The following HHLA1 variants were observed in gnomAD, a reference collection of about 807,000 sequenced individuals.
The protein encoded by HHLA1 is HHLA1 neighbor of OC90.
In HHLA1, 72 loss-of-function variants were observed where a neutral mutation model predicts 69.9. The ratio of observed to expected loss-of-function variants is 1.03; its 90% CI spans 0.85 to 1.25. The LOEUF is 1.25. HHLA1 is among the 50% of genes most tolerant of loss of function. The pLI is 0.00. For missense variants in HHLA1, 685 were observed against 642.2 expected, an observed-to-expected ratio of 1.07 and a Z score of -0.72; for synonymous variants, 252 against 233.2, an observed-to-expected ratio of 1.08 and a Z score of -0.73.
Position 132,084,413 on chromosome 8 carries a change from C to T in HHLA1, c.676+3240G>A, listed in dbSNP as rs565709932. On this transcript the variant is annotated intron_variant, in intron 10 of 16. Transcript: ENST00000414222. ...GGAGGGAAAGAAGGAAGATTTGGGACGAGTTGCACTGGGCACAGGGACTAG... is the reference window on the plus strand; with the variant it reads ...GGAGGGAAAGAAGGAAGATTTGGGATGAGTTGCACTGGGCACAGGGACTAG... Among the ~76,000 whole-genome samples the T allele has an allele frequency of 2.6e-3, 324 of 126,810 alleles. 2 individuals carry two copies. The highest frequency in any genetic ancestry group is 0.019 in the Middle Eastern group (5 of 262). The allele number at this position is 126,810 out of a possible 152,430, so 83.2% of individuals were successfully genotyped here.
At chr8:132,109,045 T>C (rs1824252940) in intron 1 of HHLA1, among the ~76,000 whole-genome samples, 1 of 152,364 alleles carries the variant, frequency 6.6e-6, no homozygotes, top group South Asian at 2.1e-4. Flanking sequence ...TCTCGCTCTG[T>C]CGCCCAGGCT....
rs755990341 is a variant in HHLA1 at position 132,071,323 on chromosome 8, C to G, written c.1469+17G>C. ...TATAAATATTCCATGTGAAAAGAAG[C>G]CACTGGGCCAAGTTACCTCATGTCC... On this transcript the variant is annotated intron_variant, in intron 15 of 16. Transcript: ENST00000414222. The G allele has an allele frequency of 1.9e-5, 29 of 1,545,222 alleles. No homozygotes were observed. The highest frequency in any genetic ancestry group is 2.5e-5 in the Non-Finnish European group (29 of 1,144,344).
At chr8:132,100,233 C>T (rs187766708) in intron 3 of HHLA1, 99 bp from the exon 4 acceptor site, 27 of 821,112 alleles carry the variant, frequency 3.3e-5, no homozygotes, top group Middle Eastern at 4.7e-4. Flanking sequence ...CTCTGCTCTC[C>T]GTGTGAGAGT....
chr8:132,103,480 G>A (rs986202493), intron 3 of HHLA1, among the ~76,000 whole-genome samples: 1 of 152,088 alleles, frequency 6.6e-6, no homozygotes. Context: ...TTATCCAGGT[G>A]TGGTGGTACA....
At chr8:132,083,681 C>T (rs1356928509) in intron 10 of HHLA1, among the ~76,000 whole-genome samples, 1 of 152,132 alleles carries the variant, frequency 6.6e-6, no homozygotes, top group Non-Finnish European at 1.5e-5. Context: ...GGCCCAGTGG[C>T]CAGATTTCCA....
chr8:132,099,687 C>G (rs978454173), intron 4 of HHLA1, among the ~76,000 whole-genome samples: 3 of 152,098 alleles, frequency 2.0e-5, no homozygotes, highest in Non-Finnish European at 2.9e-5. Context: ...AACCCCATAG[C>G]TACTAAAAAT....
intron 1 of HHLA1, among the ~76,000 whole-genome samples, chr8:132,108,617 A>G (rs932193852): frequency 1.3e-4 from 20 of 152,188 alleles, no homozygotes; most frequent in Admixed American, 7.9e-4. Flanking sequence ...TATGCCAGCC[A>G]AAATATACTA....
rs1230437910 is a variant in HHLA1, at chr8:132,087,755, C to CA, written c.590-17dup. 2 of 1,547,074 alleles carry CA rather than the reference C, an allele frequency of 1.3e-6. No homozygotes were observed. Among genetic ancestry groups the CA allele is most frequent in the Non-Finnish European group, 1.8e-6 (2 of 1,142,788 alleles). ...AGATTCCTTCCTGCAAAAATCACAC[C>CA]AACAGGGTCAGATCTTGGGTTTCAT... On this transcript the variant is annotated splice_polypyrimidine_tract_variant and intron_variant, in intron 9 of 16. Coordinates refer to ENST00000414222, the MANE Select transcript of HHLA1 (RefSeq NM_001145095.3).
chr8:132,081,767 A>G (rs1202442869), intron 10 of HHLA1, among the ~76,000 whole-genome samples: 1 of 152,160 alleles, frequency 6.6e-6, no homozygotes, highest in Non-Finnish European at 1.5e-5. Context: ...GGTGGCGCAA[A>G]TCCTCGAGCT....
chr8:132,107,589 C>T (rs1340162932), intron 1 of HHLA1, among the ~76,000 whole-genome samples: 3 of 152,154 alleles, frequency 2.0e-5, no homozygotes, highest in African/African-American at 4.8e-5. Flanking sequence ...CATGAGCCAC[C>T]GCGCTTGGCC....
chr8:132,072,657 G>A (rs997995748), intron 14 of HHLA1, among the ~76,000 whole-genome samples: 1 of 152,046 alleles, frequency 6.6e-6, no homozygotes, highest in African/African-American at 2.4e-5. Flanking sequence ...AAACAAAAAG[G>A]ATTACTGAAT....
At position 132,079,840 on chromosome 8, in the gene HHLA1, G is replaced by A; in HGVS notation, c.803C>T (p.Pro268Leu). ...TGAAGGAGCAGCTGTCTCTGTCCAGGGAGAGGATCTCAGAGCAGATGCCCA... is the reference window on the plus strand; with the variant it reads ...TGAAGGAGCAGCTGTCTCTGTCCAGAGAGAGGATCTCAGAGCAGATGCCCA... ...TPWASALRSS[P>L]WTETAAPSET... The change falls in exon 11 of 17, where the codon CCC becomes CTC. Residue 268 changes from proline (P) to leucine (L), a missense_variant. By Grantham distance (98) the Pro-to-Leu change is moderately conservative. Coordinates refer to ENST00000414222, the MANE Select transcript of HHLA1 (RefSeq NM_001145095.3). The A allele has an allele frequency of 1.3e-6, 2 of 1,551,818 alleles. No individual in the cohort carries two copies. Among genetic ancestry groups the A allele is most frequent in the South Asian group, 1.2e-5 (1 of 84,052 alleles).
intron 16 of HHLA1, among the ~76,000 whole-genome samples, chr8:132,065,420 T>G (rs1292386793): frequency 2.6e-5 from 4 of 152,338 alleles, no homozygotes; most frequent in African/African-American, 9.6e-5. Context: ...TAGCTGGGAC[T>G]ACAGGCATCC....
chr8:132,082,241 T>A (rs1415482014), intron 10 of HHLA1, among the ~76,000 whole-genome samples: 1 of 152,186 alleles, frequency 6.6e-6, no homozygotes, highest in Non-Finnish European at 1.5e-5. Context: ...TTGGAAGTTA[T>A]GAGAACTGTA....
chr8:132,092,324 G>A (rs1278133698), intron 7 of HHLA1, among the ~76,000 whole-genome samples: 1 of 152,220 alleles, frequency 6.6e-6, no homozygotes, highest in African/African-American at 2.4e-5. Context: ...TAGGATGTAA[G>A]AGGGAGAAAT....
Position 132,079,631 on chromosome 8 carries a change from G to A in HHLA1, c.925+87C>T, listed in dbSNP as rs1823704643. 77 of 1,371,938 alleles carry A rather than the reference G, an allele frequency of 5.6e-5. No homozygotes were observed. In the South Asian group the frequency reaches 1.1e-3, roughly 20 times the overall value. 85.0% of individuals were successfully genotyped at this position (1,371,938 alleles called of 1,614,324 possible). On this transcript the variant is annotated intron_variant, in intron 11 of 16. Transcript: ENST00000414222. Reference sequence around the variant, plus strand: ...CTTCAGTTGGTGGAGAAGGGATTAAGGTAAGGATTTTGCTTATATATGTGA... The same window carrying A: ...CTTCAGTTGGTGGAGAAGGGATTAAAGTAAGGATTTTGCTTATATATGTGA...
At position 132,099,713 on chromosome 8, in the gene HHLA1, G is replaced by T. The variant is rs191630484; in HGVS notation, c.199+362C>A. Among the ~76,000 whole-genome samples, 284 of 152,294 alleles carry T rather than the reference G, an allele frequency of 1.9e-3. 2 individuals are homozygous for T. Among genetic ancestry groups the T allele is most frequent in the African/African-American group, 6.6e-3 (273 of 41,560 alleles). On this transcript the variant is annotated intron_variant, in intron 4 of 16. Coordinates refer to ENST00000414222, the MANE Select transcript of HHLA1 (RefSeq NM_001145095.3). ...TACTAAAAATATAAAAATTAGCTGTGTGTGGTGGCCGGTGCCTGTAATCCC... is the reference window on the plus strand; with the variant it reads ...TACTAAAAATATAAAAATTAGCTGTTTGTGGTGGCCGGTGCCTGTAATCCC...
At chr8:132,073,966 C>T (rs1337756142) in intron 14 of HHLA1, among the ~76,000 whole-genome samples, 1 of 152,154 alleles carries the variant, frequency 6.6e-6, no homozygotes, top group Non-Finnish European at 1.5e-5. Context: ...CCTGTTCCTC[C>T]CCATTCTGCA....
chr8:132,086,168 T>C (rs1823858203), intron 10 of HHLA1, among the ~76,000 whole-genome samples: 1 of 152,150 alleles, frequency 6.6e-6, no homozygotes, highest in Admixed American at 6.5e-5. Flanking sequence ...CAGATATTAG[T>C]TTCACTTTAT....
Sources: gnomAD v4.1 joint callset for allele counts (sites outside exome capture counted in the v4.1 genomes callset) on GRCh38, gnomAD v4.1.1 for gene constraint, MANE v1.5 for transcripts, NCBI Gene and HGNC (gene_info 2026-07-23, HGNC 2026-07-21) for gene names.